ADAMTS10: variants seen among roughly 807,000 people sequenced by gnomAD.
ADAMTS10 encodes the protein A disintegrin and metalloproteinase with thrombospondin motifs 10.
A neutral mutation model predicts 135.9 loss-of-function variants in ADAMTS10; 48 were observed. That is an observed-to-expected ratio of 0.35 (90% CI 0.28 to 0.45). The LOEUF (loss-of-function observed/expected upper bound fraction) is 0.45. Ranked by LOEUF, ADAMTS10 falls within the 20% of genes least tolerant of loss-of-function variation. The probability of loss-of-function intolerance (pLI) is 1.00; values close to 1 mark genes in which losing one functional copy is unlikely to be tolerated. For synonymous variants in ADAMTS10, 621 were observed against 647.5 expected (o/e 0.96, Z 0.62); for missense variants, 1,131 against 1,565.2 (o/e 0.72, Z 4.68).
In ADAMTS10 at chr19:8,608,200, C is replaced by T. The variant is rs2042743080; in HGVS notation, c.-166G>A. On this transcript the variant is annotated 5_prime_UTR_variant, in exon 2 of 26. Transcript: ENST00000597188. The stretch of plus-strand genomic sequence containing the variant: ...TACGGATCCTTCCCTCGCCTGCTCC[C>T]TGCACCTGGGCCTCCCTCTCTGGGC... 1 of 152,396 alleles carries T rather than the reference C, an allele frequency of 6.6e-6. No homozygotes were observed. Among genetic ancestry groups the T allele is most frequent in the Admixed American group, 6.6e-5 (1 of 15,266 alleles). 9.4% of individuals were successfully genotyped at this position (152,396 alleles called of 1,614,324 possible). A position where few individuals can be genotyped will look rare whatever the true frequency, so the allele number is the denominator to read the frequency against.
At chr19:8,600,018 G>A (rs2042645950) in intron 6 of ADAMTS10, among the ~76,000 whole-genome samples, 1 of 151,850 alleles carries the variant, frequency 6.6e-6, no homozygotes, top group Admixed American at 6.6e-5. Flanking sequence ...GTATTTTTTA[G>A]TAGAGACGGG....
chr19:8,590,730 G>A (rs2042513149), intron 15 of ADAMTS10, among the ~76,000 whole-genome samples: 1 of 152,158 alleles, frequency 6.6e-6, no homozygotes, highest in South Asian at 2.1e-4. Flanking sequence ...AAAGTGCTGG[G>A]ATTGCAGGCA....
chr19:8,597,144 C>T lies in ADAMTS10; in HGVS notation c.895-12G>A. The T allele has an allele frequency of 6.2e-7, 1 of 1,614,082 alleles. No homozygotes were observed. The highest frequency in any genetic ancestry group is 1.1e-5 in the South Asian group (1 of 91,076). The stretch of plus-strand genomic sequence containing the variant: ...ATCTCCAGAGTGGGCTGGGGATGGA[C>T]AGAGGGAAATGCATGGGCACCCACC... On this transcript the variant is annotated splice_polypyrimidine_tract_variant and intron_variant, in intron 7 of 25. Coordinates refer to ENST00000597188, the MANE Select transcript of ADAMTS10 (RefSeq NM_030957.4).
At chr19:8,594,886 T>C (rs1271069864) in intron 12 of ADAMTS10, among the ~76,000 whole-genome samples, 2 of 152,054 alleles carry the variant, frequency 1.3e-5, no homozygotes, top group Non-Finnish European at 2.9e-5. Context: ...AGTTAGGATG[T>C]TGGGGGGTGT....
At chr19:8,588,831 G>T (rs550183805) in intron 18 of ADAMTS10, among the ~76,000 whole-genome samples, 1 of 151,370 alleles carries the variant, frequency 6.6e-6, no homozygotes, top group African/African-American at 2.4e-5. Context: ...TCGCTCTGTC[G>T]CCCAGACTGG....
Position 8,605,750 on chromosome 19 carries a change from G to A in ADAMTS10, c.-40C>T. 6.4e-7 allele frequency: 1 copy of A among 1,569,276 alleles called. No homozygotes were observed. Among genetic ancestry groups the A allele is most frequent in the Non-Finnish European group, 8.6e-7 (1 of 1,160,936 alleles). The stretch of plus-strand genomic sequence containing the variant: ...CACATGTCTCTCCCCAGCCCCGGCT[G>A]CCGGCAGCCCCCACAGTGCCGCCTC... On this transcript the variant is annotated 5_prime_UTR_variant, in exon 3 of 26. Transcript: ENST00000597188. This position sits in a 1 kb window ranked among gnomAD's most constrained non-coding sequence, Gnocchi z 7.7.
chr19:8,604,596 C>T (rs782086224), intron 4 of ADAMTS10, among the ~76,000 whole-genome samples: 7 of 151,878 alleles, frequency 4.6e-5, no homozygotes, highest in East Asian at 3.9e-4. Flanking sequence ...ATTCTCCCAC[C>T]TCAGCCTCCT....
At chr19:8,589,713 G>T in intron 16 of ADAMTS10, 128 bp from the exon 17 acceptor site, 3 of 1,498,810 alleles carry the variant, frequency 2.0e-6, no homozygotes, top group South Asian at 1.2e-5. Flanking sequence ...GGCAGAGGGA[G>T]TGGGGGCTCC....
intron 2 of ADAMTS10, among the ~76,000 whole-genome samples, chr19:8,606,104 A>G (rs577570841): frequency 6.6e-6 from 1 of 152,224 alleles, no homozygotes. Flanking sequence ...TCTGTCACCT[A>G]GGATGGAGTG....
At chr19:8,581,625 G>A (rs946556991) in intron 25 of ADAMTS10, among the ~76,000 whole-genome samples, 5 of 151,842 alleles carry the variant, frequency 3.3e-5, no homozygotes, top group African/African-American at 7.3e-5. Context: ...ACTTCAGGTC[G>A]GGAGTTTGAA....
At position 8,596,987 on chromosome 19, in the gene ADAMTS10, C is replaced by T; in HGVS notation, c.1040G>A (p.Arg347His). 1.9e-6 allele frequency: 3 copies of T among 1,613,360 alleles called. No individual in the cohort carries two copies. Among genetic ancestry groups the T allele is most frequent in the East Asian group, 2.2e-5 (1 of 44,876 alleles). Residue 347 changes from arginine (R) to histidine (H), a missense_variant and splice_region_variant, in exon 8 of 26, where the codon CGC becomes CAC. Physicochemically the swap from Arg to His is conservative, Grantham distance 29. Transcript: ENST00000597188. This position sits in a 1 kb window ranked among gnomAD's most constrained non-coding sequence, Gnocchi z 7.2. ...TCCTAGACCTCTCCTGTCCCCTCAC[C>T]GTGTGATGAGCACTGCTGTGTCATG... is the stretch of plus-strand genomic sequence containing the variant. ...ANHDTAVLIT[R>H]YDICIYKNKP...
In ADAMTS10 at chr19:8,605,570, G is replaced by A. The variant is rs2042712738; in HGVS notation, c.88+53C>T. On this transcript the variant is annotated intron_variant, in intron 3 of 25. Transcript: ENST00000597188. The surrounding 1 kb of genome is among the most constrained non-coding windows in gnomAD (Gnocchi z 7.7). ...TGCCTCTTTCTGTTGGAGCCCAACTGGTCTCTTACATTTTTCGCTCCCTCC... is the reference window on the plus strand; with the variant it reads ...TGCCTCTTTCTGTTGGAGCCCAACTAGTCTCTTACATTTTTCGCTCCCTCC... 3 of 1,584,340 alleles carry A rather than the reference G, an allele frequency of 1.9e-6. No homozygotes were observed. The highest frequency in any genetic ancestry group is 2.3e-5 in the East Asian group (1 of 43,770).
intron 6 of ADAMTS10, among the ~76,000 whole-genome samples, chr19:8,599,557 C>A (rs1555740983): frequency 6.6e-6 from 1 of 151,876 alleles, no homozygotes; most frequent in South Asian, 2.1e-4. Flanking sequence ...TCTTGAACTC[C>A]TGACCTCAGG....
At chr19:8,589,606 A>G in intron 16 of ADAMTS10, 21 bp from the exon 17 acceptor site, 1 of 1,613,062 alleles carries the variant, frequency 6.2e-7, no homozygotes, top group East Asian at 2.2e-5. Flanking sequence ...CGGCCCCGTC[A>G]CACCACGGGC....
At chr19:8,607,966 A>G (rs1295143397) in intron 2 of ADAMTS10, among the ~76,000 whole-genome samples, 168 bp downstream of exon 2, 7 of 151,820 alleles carry the variant, frequency 4.6e-5, no homozygotes, top group Admixed American at 3.9e-4. Flanking sequence ...GTGCGCCACC[A>G]TGCCCAGCTA....
chr19:8,596,197 C>G lies in ADAMTS10; in HGVS notation c.1213G>C (p.Val405Leu), dbSNP rs1555740120. 1.2e-6 allele frequency: 2 copies of G among 1,614,066 alleles called. No individual in the cohort carries two copies. The highest frequency in any genetic ancestry group is 2.2e-5 in the South Asian group (2 of 91,088). ...CCACGGGCCCCACAGCTGTTTCCCA[C>G]GCCGTCATGGTTCATGCCGAATCTG... ...GHTFGMNHDG[V>L]GNSCGARGQD... Residue 405 changes from valine (V) to leucine (L), a missense_variant, in exon 11 of 26, where the codon GTG becomes CTG. Val to Leu is a conservative substitution (Grantham distance 32). Coordinates refer to ENST00000597188, the MANE Select transcript of ADAMTS10 (RefSeq NM_030957.4). This position sits in a 1 kb window ranked among gnomAD's most constrained non-coding sequence, Gnocchi z 7.2.
chr19:8,589,186 A>C, intron 18 of ADAMTS10, 56 bp downstream of exon 18: 4 of 1,609,112 alleles, frequency 2.5e-6, no homozygotes, highest in African/African-American at 1.3e-5. Context: ...GATCAGTTCC[A>C]CCTGCAGTCA....
rs781880644 is a variant in ADAMTS10, at chr19:8,596,327, A to C, written c.1170T>G (p.Ile390Met). 1 of 1,612,966 alleles carries C rather than the reference A, an allele frequency of 6.2e-7. No homozygotes were observed. Among genetic ancestry groups the C allele is most frequent in the Non-Finnish European group, 8.5e-7 (1 of 1,179,904 alleles). Residue 390 changes from isoleucine (I) to methionine (M), a missense_variant, in exon 10 of 26, where the codon ATT (isoleucine) becomes ATG (methionine). Ile to Met is a conservative substitution (Grantham distance 10). Coordinates refer to ENST00000597188, the MANE Select transcript of ADAMTS10 (RefSeq NM_030957.4). This position sits in a 1 kb window ranked among gnomAD's most constrained non-coding sequence, Gnocchi z 7.2. ...CTCACGTGTGCCCGATCTCGTGGGC[A>C]ATGGTGAACGCTGTGGCCAGGCCAA... ...EDIGLATAFT[I>M]AHEIGHTFGM...
chr19:8,607,097 T>C (rs12462619), intron 2 of ADAMTS10, among the ~76,000 whole-genome samples: 26,720 of 151,838 alleles, frequency 0.18, 3,314 homozygotes, highest in East Asian at 0.64. Context: ...TCAGAGGCAC[T>C]TGAAGGGGGG....
Sources: gnomAD v4.1 joint callset for allele counts (sites outside exome capture counted in the v4.1 genomes callset) on GRCh38, gnomAD v4.1.1 for gene constraint, Gnocchi (gnomAD v3.1) non-coding constraint, MANE v1.5 for transcripts, NCBI Gene and HGNC (gene_info 2026-07-23, HGNC 2026-07-21) for gene names.